Variants in IGF2BP3 observed in about 807,000 individuals in gnomAD.
IGF2BP3 encodes insulin like growth factor 2 mRNA binding protein 3, also known as insulin-like growth factor 2 mRNA-binding protein 3.
IGF2BP3 carries 9 observed loss-of-function variants against 73.8 expected under a neutral mutation model. That is an observed-to-expected ratio of 0.12 (90% CI 0.07 to 0.21). The LOEUF (loss-of-function observed/expected upper bound fraction) is 0.21. Among genes scored for constraint, IGF2BP3 ranks in the 10% least tolerant of loss-of-function variants. The probability of loss-of-function intolerance (pLI) is 1.00; values close to 1 mark genes in which losing one functional copy is unlikely to be tolerated. For synonymous variants in IGF2BP3, 258 were observed against 256.7 expected (o/e 1.01, Z -0.05); for missense variants, 542 against 714.0 (o/e 0.76, Z 2.75).
rs758121238 is a variant in IGF2BP3, at chr7:23,342,054, G to A, written c.1203+10C>T. On this transcript the variant is annotated intron_variant, in intron 10 of 14. Transcript: ENST00000258729. The stretch of plus-strand genomic sequence containing the variant: ...CCAATCACAAAGAAAGCCAAGGCCA[G>A]TTATCTTACCTCAAACTGCGGGTAG... 3.2e-6 allele frequency: 5 copies of A among 1,558,420 alleles called. No individual in the cohort carries two copies. In the Admixed American group the frequency reaches 8.5e-5, roughly 27 times the overall value.
intron 2 of IGF2BP3, among the ~76,000 whole-genome samples, chr7:23,464,483 A>G (rs879902512): frequency 6.6e-5 from 10 of 152,112 alleles, no homozygotes; most frequent in Non-Finnish European, 1.3e-4. Context: ...CAAACAAAAA[A>G]CAACGTTTGA....
intron 2 of IGF2BP3, among the ~76,000 whole-genome samples, chr7:23,424,263 C>T (rs1013030740): frequency 6.6e-6 from 1 of 151,108 alleles, no homozygotes; most frequent in Non-Finnish European, 1.5e-5. Context: ...CTTTGGGAGG[C>T]TGAGGTCGGG....
At chr7:23,382,290 G>A (rs1458402224) in intron 3 of IGF2BP3, among the ~76,000 whole-genome samples, 1 of 151,948 alleles carries the variant, frequency 6.6e-6, no homozygotes. Flanking sequence ...CACTACACAG[G>A]TTATTATCTC....
chr7:23,452,225 CA>C (rs1788217606), intron 2 of IGF2BP3, among the ~76,000 whole-genome samples: 1 of 151,856 alleles, frequency 6.6e-6, no homozygotes, highest in African/African-American at 2.4e-5. Context: ...AGGATGGTCT[CA>C]ATCTCCTAAC....
chr7:23,356,812 T>G (rs1562696416), intron 5 of IGF2BP3, among the ~76,000 whole-genome samples: 1 of 152,148 alleles, frequency 6.6e-6, no homozygotes, highest in Admixed American at 6.5e-5. Context: ...GAAGCCCAAA[T>G]GTAAGGCTTC....
At chr7:23,448,039 T>C (rs1245757652) in intron 2 of IGF2BP3, among the ~76,000 whole-genome samples, 1 of 152,192 alleles carries the variant, frequency 6.6e-6, no homozygotes, top group Admixed American at 6.5e-5. Context: ...AGTTATTTTT[T>C]ACATTTAACT....
chr7:23,425,589 G>T (rs1787485311), intron 2 of IGF2BP3, among the ~76,000 whole-genome samples: 1 of 152,042 alleles, frequency 6.6e-6, no homozygotes, highest in African/African-American at 2.4e-5. Context: ...CCCCAGGCTG[G>T]TCTGGAACTC....
At chr7:23,414,316 G>C (rs1252501754) in intron 3 of IGF2BP3, 1 of 152,124 alleles carries the variant, frequency 6.6e-6, no homozygotes, top group Non-Finnish European at 1.5e-5. Flanking sequence ...GAGAACTTGA[G>C]GAATCCCCTT....
chr7:23,370,829 C>T (rs1184519887), intron 3 of IGF2BP3, among the ~76,000 whole-genome samples: 1 of 152,008 alleles, frequency 6.6e-6, no homozygotes, highest in Non-Finnish European at 1.5e-5. Context: ...AGGCGTGTGC[C>T]ACCACGCCCA....
intron 6 of IGF2BP3, among the ~76,000 whole-genome samples, chr7:23,350,569 A>C (rs1784934974): frequency 6.6e-6 from 1 of 152,274 alleles, no homozygotes; most frequent in Admixed American, 6.5e-5. Context: ...ATAATGCATG[A>C]GAACTGAGAA....
intron 3 of IGF2BP3, among the ~76,000 whole-genome samples, chr7:23,394,111 A>G (rs948113895): frequency 1.3e-5 from 2 of 152,204 alleles, no homozygotes; most frequent in African/African-American, 2.4e-5. Context: ...AAGGTAATCT[A>G]GTTCACACAA....
At chr7:23,405,858 G>C (rs1216417468) in intron 3 of IGF2BP3, among the ~76,000 whole-genome samples, 1 of 152,186 alleles carries the variant, frequency 6.6e-6, no homozygotes, top group Non-Finnish European at 1.5e-5. Flanking sequence ...CCATCTTGGT[G>C]AAAGAATTCG....
intron 3 of IGF2BP3, among the ~76,000 whole-genome samples, chr7:23,405,521 G>A (rs1226037356): frequency 6.6e-6 from 1 of 152,218 alleles, no homozygotes; most frequent in Non-Finnish European, 1.5e-5. Context: ...TTAGGCTGGA[G>A]AAGCAAGAAA....
At chr7:23,398,351 T>C (rs570986066) in intron 3 of IGF2BP3, among the ~76,000 whole-genome samples, 2 of 152,346 alleles carry the variant, frequency 1.3e-5, no homozygotes, top group East Asian at 3.9e-4. Flanking sequence ...TTTGCTACTG[T>C]TAATAGTGCC....
intron 5 of IGF2BP3, among the ~76,000 whole-genome samples, chr7:23,355,442 G>A (rs1785072559): frequency 6.6e-6 from 1 of 151,828 alleles, no homozygotes; most frequent in Non-Finnish European, 1.5e-5. Context: ...TGTTGGTCAG[G>A]CTGGTCTCGA....
chr7:23,381,382 C>A (rs867068178), intron 3 of IGF2BP3, among the ~76,000 whole-genome samples: 1 of 152,152 alleles, frequency 6.6e-6, no homozygotes, highest in Non-Finnish European at 1.5e-5. Flanking sequence ...ATAGGCTACA[C>A]CCGTTTCTCA....
At chr7:23,346,111 TG>T (rs763999028) in intron 7 of IGF2BP3, 49 bp from the exon 8 acceptor site, 12 of 1,572,508 alleles carry the variant, frequency 7.6e-6, no homozygotes, top group Admixed American at 1.9e-5. Flanking sequence ...AACCTATTCG[TG>T]GGTAAAAAGA....
chr7:23,341,102 G>A (rs564825426), intron 10 of IGF2BP3, among the ~76,000 whole-genome samples: 6 of 151,774 alleles, frequency 4.0e-5, no homozygotes, highest in East Asian at 1.9e-4. Flanking sequence ...CTCCCGCCTC[G>A]GCCTCCCAAA....
At chr7:23,339,031 G>A (rs891921826) in intron 10 of IGF2BP3, among the ~76,000 whole-genome samples, 4 of 152,230 alleles carry the variant, frequency 2.6e-5, no homozygotes, top group Admixed American at 2.0e-4. Context: ...TTAAGAATGC[G>A]AATTTCCTTT....
Sources: gnomAD v4.1 joint callset for allele counts (sites outside exome capture counted in the v4.1 genomes callset) on GRCh38, gnomAD v4.1.1 for gene constraint, MANE v1.5 for transcripts, NCBI Gene and HGNC (gene_info 2026-07-23, HGNC 2026-07-21) for gene names.